CDK13: variants seen among roughly 807,000 people sequenced by gnomAD.
CDK13 encodes cyclin dependent kinase 13.
In CDK13, 40 loss-of-function variants were observed where a neutral mutation model predicts 137.6. The ratio of observed to expected loss-of-function variants is 0.29; its 90% CI spans 0.23 to 0.38. CDK13 has a LOEUF of 0.38. Among genes scored for constraint, CDK13 ranks in the 10% least tolerant of loss-of-function variants. CDK13 has a pLI of 1.00. For synonymous variants in CDK13, 869 were observed against 760.1 expected, an observed-to-expected ratio of 1.14 and a Z score of -2.36; for missense variants, 1,704 against 1,951.8, an observed-to-expected ratio of 0.87 and a Z score of 2.39.
chr7:40,010,516 T>G (rs548981090), intron 5 of CDK13, among the ~76,000 whole-genome samples: 145 of 152,298 alleles, frequency 9.5e-4, no homozygotes, highest in African/African-American at 3.3e-3. Flanking sequence ...AAACCCCGTC[T>G]CTACTAAAAA....
rs1399048911 is a variant in CDK13 at position 39,968,345 on chromosome 7, A to G, written c.1211+16493A>G. 5.3e-5 allele frequency among the ~76,000 whole-genome samples: 8 copies of G among 152,254 alleles called. No homozygotes were observed. The East Asian group carries it at 9.6e-4, about 18-fold the overall frequency. On this transcript the variant is annotated intron_variant, in intron 1 of 13. Transcript: ENST00000181839. ...GAGCTTTTCTTCTCCTTTCTACTGT[A>G]TAAGGTGTGAGATGAGAGTCTATTT... is the stretch of plus-strand genomic sequence containing the variant.
At chr7:40,062,400 C>T (rs1786167241) in intron 7 of CDK13, 1 of 158,150 alleles carries the variant, frequency 6.3e-6, no homozygotes, top group Admixed American at 6.3e-5. Flanking sequence ...ATTCTCCTGC[C>T]TCAGCTTCCT....
intron 1 of CDK13, among the ~76,000 whole-genome samples, chr7:39,976,315 T>TCACACACACA (rs1263912236): frequency 8.7e-5 from 6 of 68,614 alleles, no homozygotes; most frequent in Non-Finnish European, 1.5e-4. Flanking sequence ...TCTCTCTCTC[T>TCACACACACA]CTCTCTCTCA....
At chr7:39,975,287 A>T (rs1169316455) in intron 1 of CDK13, among the ~76,000 whole-genome samples, 3 of 151,966 alleles carry the variant, frequency 2.0e-5, no homozygotes, top group Non-Finnish European at 4.4e-5. Context: ...GGTGGTGTGC[A>T]CTTGTCCCAT....
At chr7:40,027,883 T>C (rs1224046864) in intron 5 of CDK13, among the ~76,000 whole-genome samples, 2 of 152,018 alleles carry the variant, frequency 1.3e-5, no homozygotes, top group Non-Finnish European at 2.9e-5. Context: ...CAGGATAGGT[T>C]CTGAGAATAG....
intron 7 of CDK13, among the ~76,000 whole-genome samples, chr7:40,050,478 G>A (rs1352841176): frequency 6.6e-6 from 1 of 152,156 alleles, no homozygotes; most frequent in African/African-American, 2.4e-5. Context: ...TGCAACCTCC[G>A]CCTCCCGGGT....
intron 5 of CDK13, among the ~76,000 whole-genome samples, chr7:40,043,911 T>TTC (rs1785674408): frequency 2.6e-5 from 4 of 151,406 alleles, no homozygotes; most frequent in Admixed American, 2.6e-4. Context: ...TTTTTTTTTT[T>TTC]TTTGAGATGG....
rs150957134 is a variant in CDK13 at position 40,094,199 on chromosome 7, G to C, written c.3758G>C (p.Arg1253Pro). 1 of 1,613,874 alleles carries C rather than the reference G, an allele frequency of 6.2e-7. No homozygotes were observed. The highest frequency in any genetic ancestry group is 8.5e-7 in the Non-Finnish European group (1 of 1,179,996). The change falls in exon 14 of 14, where the codon CGA (arginine) becomes CCA (proline). Residue 1253 changes from arginine (R) to proline (P), a missense_variant. Arg to Pro is a moderately radical substitution (Grantham distance 103). Transcript: ENST00000181839. ...LELTPEPDRP[R>P]ILPPDQRPPE... ...CTAACGCCAGAACCAGACCGGCCTC[G>C]AATTCTGCCTCCTGACCAACGACCT...
chr7:40,062,794 T>C, intron 7 of CDK13, 32 bp from the exon 8 acceptor site: 1 of 1,425,026 alleles, frequency 7.0e-7, no homozygotes, highest in Non-Finnish European at 9.9e-7. Flanking sequence ...CAACAAATAC[T>C]AACTCTAAAG....
At position 39,988,246 on chromosome 7, in the gene CDK13, A is replaced by C; in HGVS notation, c.1859A>C (p.Lys620Thr). The change falls in exon 2 of 14, where the codon AAA becomes ACA. Residue 620 changes from lysine (K) to threonine (T), a missense_variant. Lys to Thr is a moderately conservative substitution (Grantham distance 78). Transcript: ENST00000181839. ...TTGCCTCCCATGCTGCCTGAAGATA[A>C]AGAAGCTGATAGGTAAGTGCAAAAA... ...LPLPPMLPED[K>T]EADSLRGNIS... The C allele has an allele frequency of 6.3e-7, 1 of 1,596,358 alleles. No individual in the cohort carries two copies. The highest frequency in any genetic ancestry group is 8.5e-7 in the Non-Finnish European group (1 of 1,175,278).
intron 10 of CDK13, chr7:40,078,390 C>A: frequency 3.2e-6 from 1 of 311,566 alleles, no homozygotes; most frequent in Non-Finnish European, 5.8e-6. Flanking sequence ...TTTCAAGTTA[C>A]TTGAGCTCAA....
intron 9 of CDK13, chr7:40,069,322 T>C (rs1326160287): frequency 2.2e-6 from 1 of 455,952 alleles, no homozygotes; most frequent in Non-Finnish European, 4.4e-6. Flanking sequence ...ATGAAGAAAA[T>C]GAAGTTTCTG....
intron 12 of CDK13, among the ~76,000 whole-genome samples, chr7:40,091,811 C>A (rs558852249): frequency 6.6e-6 from 1 of 152,292 alleles, no homozygotes; most frequent in African/African-American, 2.4e-5. Context: ...GCATTAAACA[C>A]CAGTTTTTCA....
Position 40,094,088 on chromosome 7 carries a change from C to T in CDK13, c.3689-42C>T, listed in dbSNP as rs17496798. 167 of 1,592,906 alleles carry T rather than the reference C, an allele frequency of 1.0e-4. 4 individuals carry two copies. In the South Asian group the frequency reaches 1.8e-3, roughly 17 times the overall value. ...CTGAGTATTTTGAATATTTAGTTTT[C>T]CATGGTAACTTTTGACCTTGTTTTT... On this transcript the variant is annotated intron_variant, in intron 13 of 13. Transcript: ENST00000181839.
chr7:40,060,346 A>G (rs1290070800), intron 7 of CDK13, among the ~76,000 whole-genome samples: 2 of 152,246 alleles, frequency 1.3e-5, no homozygotes, highest in Non-Finnish European at 2.9e-5. Flanking sequence ...TATAAATTTA[A>G]ACATTTCCTT....
At chr7:40,064,508 A>C (rs1284232795) in intron 9 of CDK13, among the ~76,000 whole-genome samples, 1 of 152,102 alleles carries the variant, frequency 6.6e-6, no homozygotes, top group Non-Finnish European at 1.5e-5. Context: ...CATATCATAA[A>C]CAGACAAATT....
At position 40,093,155 on chromosome 7, in the gene CDK13, A is replaced by G; in HGVS notation, c.3606A>G (p.Leu1202=). Residue 1202 remains leucine (L), a synonymous_variant, in exon 13 of 14, where the codon CTA becomes CTG. Coordinates refer to ENST00000181839, the MANE Select transcript of CDK13 (RefSeq NM_003718.5). ...AGCAGTCAAAGCAGAAAGATGTGCT[A>G]CTAGAAGAGAGGGAAAATGGATCGG... is the stretch of plus-strand genomic sequence containing the variant. ...KAQQSKQKDV[L]LEERENGSGH... is the part of the protein sequence containing the mutation. The G allele has an allele frequency of 6.2e-7, 1 of 1,614,212 alleles. No homozygotes were observed. The highest frequency in any genetic ancestry group is 1.6e-4 in the Middle Eastern group (1 of 6,062).
At chr7:40,007,163 A>G (rs1169072607) in intron 5 of CDK13, among the ~76,000 whole-genome samples, 1 of 152,224 alleles carries the variant, frequency 6.6e-6, no homozygotes, top group East Asian at 1.9e-4. Context: ...TAATTAATTT[A>G]GCTATAATAC....
chr7:39,965,946 C>G (rs969930216), intron 1 of CDK13, among the ~76,000 whole-genome samples: 2 of 152,160 alleles, frequency 1.3e-5, no homozygotes, highest in African/African-American at 4.8e-5. Flanking sequence ...AATATTGGCC[C>G]CCACTCTCTT....
Sources: allele counts gnomAD v4.1 joint callset (sites outside exome capture counted in the v4.1 genomes callset), GRCh38; gene constraint gnomAD v4.1.1; transcripts MANE v1.5; gene names NCBI Gene and HGNC (gene_info 2026-07-23, HGNC 2026-07-21).